Variants in AUTS2 observed in about 807,000 individuals in gnomAD.
AUTS2 encodes activator of transcription and developmental regulator AUTS2.
AUTS2 carries 17 observed loss-of-function variants against 112.4 expected under a neutral mutation model. The observed-to-expected ratio is 0.15, with a 90% CI of 0.10 to 0.23. The LOEUF is 0.23. AUTS2 is among the 10% of genes least tolerant of loss of function. The probability of loss-of-function intolerance (pLI) is 1.00; values close to 1 mark genes in which losing one functional copy is unlikely to be tolerated. For synonymous variants in AUTS2, 751 were observed against 702.7 expected (o/e 1.07, Z -1.09); for missense variants, 1,510 against 1,701.6 (o/e 0.89, Z 1.98).
At chr7:69,833,678 G>T (rs1393682607) in intron 1 of AUTS2, among the ~76,000 whole-genome samples, 1 of 152,052 alleles carries the variant, frequency 6.6e-6, no homozygotes, top group Non-Finnish European at 1.5e-5. Flanking sequence ...CAGGTGATCC[G>T]CCTGCCTTGG....
chr7:69,787,394 C>A (rs6959766), intron 1 of AUTS2, among the ~76,000 whole-genome samples: 42,782 of 152,068 alleles, frequency 0.28, 6,100 homozygotes, highest in Middle Eastern at 0.34. Context: ...GAAATTCTAA[C>A]CAGAAGTAGT....
chr7:70,593,015 CTTTT>C (rs111474995), intron 5 of AUTS2, among the ~76,000 whole-genome samples: 2 of 145,548 alleles, frequency 1.4e-5, no homozygotes, highest in African/African-American at 5.0e-5. Context: ...ATGCTAGCTA[CTTTT>C]TTTTTTTTTC....
At chr7:69,651,086 T>C (rs913268368) in intron 1 of AUTS2, among the ~76,000 whole-genome samples, 1 of 152,218 alleles carries the variant, frequency 6.6e-6, no homozygotes, top group Non-Finnish European at 1.5e-5. Context: ...CCATTGGGAA[T>C]GCAGATTTGG....
At chr7:70,307,863 TA>T (rs548463802) in intron 4 of AUTS2, among the ~76,000 whole-genome samples, 5,133 of 147,844 alleles carry the variant, frequency 0.035, 193 homozygotes, top group Non-Finnish European at 0.042. Context: ...GTTACCAACT[TA>T]AAAAAAAAAA....
chr7:69,867,241 A>T (rs1380425241), intron 1 of AUTS2, among the ~76,000 whole-genome samples: 1 of 152,212 alleles, frequency 6.6e-6, no homozygotes, highest in Non-Finnish European at 1.5e-5. Flanking sequence ...TGGGAGGCAG[A>T]TAGGCCTTGA....
chr7:69,852,548 G>A (rs892506198), intron 1 of AUTS2, among the ~76,000 whole-genome samples: 15 of 152,024 alleles, frequency 9.9e-5, no homozygotes, highest in Non-Finnish European at 1.8e-4. Flanking sequence ...CGCCTCCTGG[G>A]CTCAAGCGAT....
At position 70,790,736 on chromosome 7, in the gene AUTS2, T is replaced by G. The variant is rs553980730; in HGVS notation, c.3520T>G (p.Ser1174Ala). 6.2e-7 allele frequency: 1 copy of G among 1,613,062 alleles called. No individual in the cohort carries two copies. Among genetic ancestry groups the G allele is most frequent in the African/African-American group, 1.3e-5 (1 of 74,780 alleles). ...HTRLHSVHPA[S>A]LDGHLPHPSL... The stretch of plus-strand genomic sequence containing the variant: ...GCGGCTCCACTCCGTGCACCCCGCC[T>G]CCCTCGACGGACACCTCCCCCACCC... Residue 1174 changes from serine (S) to alanine (A), a missense_variant, in exon 19 of 19, where the codon TCC becomes GCC. This residue lies in a region of AUTS2 where 788 missense variants were observed against 797.6 expected (regional missense o/e 0.99). Transcript: ENST00000342771. This position sits in a 1 kb window ranked among gnomAD's most constrained non-coding sequence, Gnocchi z 7.6.
intron 13 of AUTS2, among the ~76,000 whole-genome samples, chr7:70,776,494 T>C (rs1043766987): frequency 2.0e-5 from 3 of 152,320 alleles, no homozygotes; most frequent in Non-Finnish European, 1.5e-5. Context: ...ATTCTTCTCT[T>C]TGTTTCTTTC....
At chr7:70,774,209 T>C (rs576963906) in intron 12 of AUTS2, 110 bp downstream of exon 12, 60 of 978,750 alleles carry the variant, frequency 6.1e-5, no homozygotes, top group Admixed American at 3.4e-4. Flanking sequence ...CGAGCTGCTG[T>C]TTCAGCTGTT....
rs1367412496 is a variant in AUTS2 at position 70,694,254 on chromosome 7, C to G, written c.691-4315C>G. On this transcript the variant is annotated intron_variant, in intron 5 of 18. Transcript: ENST00000342771. The surrounding 1 kb of genome is among the most constrained non-coding windows in gnomAD (Gnocchi z 4.1). The stretch of plus-strand genomic sequence containing the variant: ...CGAGCGCGGGCCGGAGCCCAGCCAG[C>G]CCCGGGCGCTCACCCGCCAGCCCGC... 1 of 149,932 alleles carries G rather than the reference C, an allele frequency of 6.7e-6. No individual in the cohort carries two copies. The highest frequency in any genetic ancestry group is 2.4e-5 in the African/African-American group (1 of 41,054). The allele number at this position is 149,932 out of a possible 1,614,324, so 9.3% of individuals were successfully genotyped here.
At chr7:70,750,385 AT>A (rs76324229) in intron 6 of AUTS2, among the ~76,000 whole-genome samples, 51,278 of 148,826 alleles carry the variant, frequency 0.34, 11,699 homozygotes, top group African/African-American at 0.64. Context: ...GTGCAGTGGC[AT>A]TGATTACAGC....
At position 69,758,105 on chromosome 7, in the gene AUTS2, A is replaced by G. The variant is rs77814248; in HGVS notation, c.310-141181A>G. Reference sequence around the variant, plus strand: ...CCCAGGGACCAGTTGAGAAATAGCTAGAATTAATTAGTTCTGCTGTAATCA... The same window carrying G: ...CCCAGGGACCAGTTGAGAAATAGCTGGAATTAATTAGTTCTGCTGTAATCA... On this transcript the variant is annotated intron_variant, in intron 1 of 18. Coordinates refer to ENST00000342771, the MANE Select transcript of AUTS2 (RefSeq NM_015570.4). Among the ~76,000 whole-genome samples, 442 of 152,322 alleles carry G rather than the reference A, an allele frequency of 2.9e-3. 5 individuals are homozygous for G. The highest frequency in any genetic ancestry group is 0.01 in the African/African-American group (428 of 41,590).
intron 2 of AUTS2, among the ~76,000 whole-genome samples, chr7:70,107,177 A>G (rs1804807912): frequency 2.6e-5 from 4 of 152,118 alleles, no homozygotes; most frequent in Admixed American, 1.3e-4. Flanking sequence ...ATCTGAAATT[A>G]CATATGATCA....
chr7:70,366,358 G>A (rs910065787), intron 4 of AUTS2, among the ~76,000 whole-genome samples: 1 of 152,118 alleles, frequency 6.6e-6, no homozygotes, highest in Non-Finnish European at 1.5e-5. Context: ...CTTCCTAGAG[G>A]AAGCAATGTT....
chr7:70,636,638 T>A (rs1309538680), intron 5 of AUTS2, among the ~76,000 whole-genome samples: 1 of 130,560 alleles, frequency 7.7e-6, no homozygotes, highest in East Asian at 2.4e-4. Flanking sequence ...ATTGATGGCC[T>A]ACAAAAATAC....
At chr7:69,851,319 G>A (rs1792471411) in intron 1 of AUTS2, among the ~76,000 whole-genome samples, 2 of 152,040 alleles carry the variant, frequency 1.3e-5, no homozygotes, top group Non-Finnish European at 2.9e-5. Flanking sequence ...AATAGTTTCA[G>A]GTATTCTAGT....
intron 2 of AUTS2, among the ~76,000 whole-genome samples, chr7:69,997,694 C>T (rs1315641244): frequency 6.6e-6 from 1 of 152,126 alleles, no homozygotes; most frequent in South Asian, 2.1e-4. Flanking sequence ...CACGTGTGAA[C>T]TCACAGAGGG....
intron 1 of AUTS2, among the ~76,000 whole-genome samples, chr7:69,764,123 C>T (rs935823206): frequency 6.6e-6 from 1 of 152,170 alleles, no homozygotes; most frequent in African/African-American, 2.4e-5. Flanking sequence ...ATAAGAAGGT[C>T]AGTTACTCAA....
intron 3 of AUTS2, chr7:70,120,333 T>C (rs1279088011): frequency 2.0e-5 from 3 of 152,204 alleles, no homozygotes; most frequent in Admixed American, 6.5e-5. Flanking sequence ...TTCTGTGATA[T>C]AATATCAAAG....
Sources: allele counts gnomAD v4.1 joint callset (sites outside exome capture counted in the v4.1 genomes callset), GRCh38; gene constraint gnomAD v4.1.1; regional missense constraint gnomAD v4.1.1; non-coding constraint Gnocchi (gnomAD v3.1); transcripts MANE v1.5; gene names NCBI Gene and HGNC (gene_info 2026-07-23, HGNC 2026-07-21).